PTP4A3: variants seen among roughly 807,000 people sequenced by gnomAD.
PTP4A3 encodes protein tyrosine phosphatase 4A3, also known as protein tyrosine phosphatase type IVA 3.
A neutral mutation model predicts 15.2 loss-of-function variants in PTP4A3; 9 were observed. The observed-to-expected ratio is 0.59, with a 90% CI of 0.36 to 1.03. The LOEUF (loss-of-function observed/expected upper bound fraction) is 1.03, where lower values mean the gene tolerates loss of function less well. PTP4A3 is among the 50% of genes least tolerant of loss of function. The probability of loss-of-function intolerance (pLI) is 0.02; values close to 1 mark genes in which losing one functional copy is unlikely to be tolerated. For synonymous variants in PTP4A3, 95 were observed against 102.0 expected, an observed-to-expected ratio of 0.93 and a Z score of 0.41; for missense variants, 234 against 252.1, an observed-to-expected ratio of 0.93 and a Z score of 0.49.
intron 1 of PTP4A3, among the ~76,000 whole-genome samples, chr8:141,420,747 T>C (rs1833292281): frequency 6.6e-6 from 1 of 152,048 alleles, no homozygotes; most frequent in Non-Finnish European, 1.5e-5. Flanking sequence ...GGGGGGACAC[T>C]GGTGGACAGG....
At chr8:141,424,982 T>C (rs1833499529) in intron 2 of PTP4A3, 66 bp from the exon 3 acceptor site, 1 of 1,370,840 alleles carries the variant, frequency 7.3e-7, no homozygotes, top group Admixed American at 1.8e-5. Context: ...CCCTGGTGAG[T>C]GGGTCCTGCC....
chr8:141,426,605 C>T, intron 3 of PTP4A3: 1 of 985,446 alleles, frequency 1.0e-6, no homozygotes, highest in Non-Finnish European at 1.2e-6. Context: ...ATTGTGACCC[C>T]AGAACCAGAG....
At chr8:141,399,488 G>T (rs762136325) in intron 1 of PTP4A3, among the ~76,000 whole-genome samples, 12 of 152,228 alleles carry the variant, frequency 7.9e-5, no homozygotes, top group Middle Eastern at 3.4e-3. Flanking sequence ...TGTCCCCTCC[G>T]CATGGCCCTG....
At position 141,431,361 on chromosome 8, in the gene PTP4A3, A is replaced by C; in HGVS notation, c.*317A>C. The C allele has an allele frequency of 2.4e-6, 1 of 415,536 alleles. No homozygotes were observed. Among genetic ancestry groups the C allele is most frequent in the East Asian group, 4.7e-5 (1 of 21,462 alleles). The allele number at this position is 415,536 out of a possible 1,614,324, so 25.7% of individuals were successfully genotyped here. On this transcript the variant is annotated 3_prime_UTR_variant, in exon 6 of 6. Transcript: ENST00000521578. Reference sequence around the variant, plus strand: ...CACACCAGCCAGGCTGGTCTCCTCTAGCCTGTTTGTTGTGGGGTGGGGGTA... The same window carrying C: ...CACACCAGCCAGGCTGGTCTCCTCTCGCCTGTTTGTTGTGGGGTGGGGGTA...
At chr8:141,397,406 G>T (rs1462721511) in intron 1 of PTP4A3, among the ~76,000 whole-genome samples, 1 of 152,256 alleles carries the variant, frequency 6.6e-6, no homozygotes, top group Non-Finnish European at 1.5e-5. Context: ...GGCCTGTCCT[G>T]GGTTGGGGTT....
intron 1 of PTP4A3, among the ~76,000 whole-genome samples, chr8:141,418,197 C>T (rs1430349862): frequency 1.3e-5 from 2 of 152,192 alleles, no homozygotes; most frequent in African/African-American, 2.4e-5. Flanking sequence ...CCAGAGCGCC[C>T]GCCTCAGCCC....
At chr8:141,428,717 A>C (rs978830174) in intron 5 of PTP4A3, among the ~76,000 whole-genome samples, 2 of 152,184 alleles carry the variant, frequency 1.3e-5, no homozygotes, top group Admixed American at 1.3e-4. Context: ...TGGGATGTGC[A>C]CGCTCACACA....
At chr8:141,392,936 AC>A (rs1554615734) in intron 1 of PTP4A3, among the ~76,000 whole-genome samples, 1 of 149,700 alleles carries the variant, frequency 6.7e-6, no homozygotes, top group Non-Finnish European at 1.5e-5. Context: ...CACGTGCTGC[AC>A]CCCCTCTCTC....
At chr8:141,429,127 C>T (rs1029843940) in intron 5 of PTP4A3, among the ~76,000 whole-genome samples, 1 of 152,260 alleles carries the variant, frequency 6.6e-6, no homozygotes, top group African/African-American at 2.4e-5. Flanking sequence ...GTTTCTTGCC[C>T]CTGTTGCGTG....
At chr8:141,430,207 CAG>C (rs1446923967) in intron 5 of PTP4A3, among the ~76,000 whole-genome samples, 3 of 142,340 alleles carry the variant, frequency 2.1e-5, no homozygotes, top group African/African-American at 8.0e-5. Flanking sequence ...GTGGCGGGGA[CAG>C]GGTGAGCGCA....
chr8:141,431,461 A>G lies in PTP4A3; in HGVS notation c.*417A>G, dbSNP rs1833874383. 2 of 169,988 alleles carry G rather than the reference A, an allele frequency of 1.2e-5. No individual in the cohort carries two copies. The highest frequency in any genetic ancestry group is 2.5e-5 in the Non-Finnish European group (2 of 80,602). 10.5% of individuals were successfully genotyped at this position (169,988 alleles called of 1,614,324 possible). On this transcript the variant is annotated 3_prime_UTR_variant, in exon 6 of 6. Coordinates refer to ENST00000521578, the MANE Select transcript of PTP4A3 (RefSeq NM_032611.3). ...TGACCTGTTCTCGGCACCTTAAATT[A>G]TTAGACCCCGGGGCAGTCAGGTGCT...
At chr8:141,414,622 G>A (rs1264455560) in intron 1 of PTP4A3, among the ~76,000 whole-genome samples, 5 of 65,192 alleles carry the variant, frequency 7.7e-5, no homozygotes, top group Admixed American at 1.5e-4. Context: ...GCCCTGGACT[G>A]GGGGGGGGGT....
intron 2 of PTP4A3, 53 bp from the exon 3 acceptor site, chr8:141,424,995 C>T: frequency 1.3e-6 from 2 of 1,493,824 alleles, no homozygotes; most frequent in South Asian, 1.1e-5. Flanking sequence ...GTCCTGCCCC[C>T]TGAGCCCTGC....
At position 141,426,967 on chromosome 8, in the gene PTP4A3, C is replaced by T. The variant is rs1176286222; in HGVS notation, c.227C>T (p.Pro76Leu). 3.1e-6 allele frequency: 5 copies of T among 1,610,334 alleles called. No homozygotes were observed. The highest frequency in any genetic ancestry group is 3.4e-6 in the Non-Finnish European group (4 of 1,179,874). ...VDWPFDDGAP[P>L]PGKVVEDWLS... ...TGGCCGTTTGACGATGGGGCGCCCC[C>T]GCCCGGCAAGGTAGTGGAAGACTGG... The change falls in exon 4 of 6, where the codon CCG becomes CTG. Residue 76 changes from proline (P) to leucine (L), a missense_variant. Physicochemically the swap from Pro to Leu is moderately conservative, Grantham distance 98. Coordinates refer to ENST00000521578, the MANE Select transcript of PTP4A3 (RefSeq NM_032611.3).
At chr8:141,430,745 G>A (rs949584139) in intron 5 of PTP4A3, among the ~76,000 whole-genome samples, 182 bp from the exon 6 acceptor site, 8 of 152,130 alleles carry the variant, frequency 5.3e-5, no homozygotes, top group Non-Finnish European at 1.0e-4. Flanking sequence ...GCTGCAGGGG[G>A]CCAGGAAAGG....
chr8:141,427,310 A>G (rs1437139631), intron 4 of PTP4A3, among the ~76,000 whole-genome samples: 3 of 152,182 alleles, frequency 2.0e-5, no homozygotes, highest in Non-Finnish European at 1.5e-5. Context: ...CATCTTGTGT[A>G]GGAAAGGGCT....
intron 5 of PTP4A3, among the ~76,000 whole-genome samples, chr8:141,428,819 GGT>G (rs1833706995): frequency 4.6e-5 from 7 of 152,198 alleles, no homozygotes; most frequent in African/African-American, 1.7e-4. Flanking sequence ...CTCACAGGCA[GGT>G]GTGTGAACAC....
chr8:141,417,836 C>T (rs1470761115), intron 1 of PTP4A3, among the ~76,000 whole-genome samples: 2 of 151,980 alleles, frequency 1.3e-5, no homozygotes, highest in African/African-American at 4.8e-5. Context: ...CCCCCGGCAG[C>T]CGGGTCGCCC....
At chr8:141,407,928 A>G (rs1832771232) in intron 1 of PTP4A3, among the ~76,000 whole-genome samples, 1 of 152,208 alleles carries the variant, frequency 6.6e-6, no homozygotes, top group Non-Finnish European at 1.5e-5. Context: ...TTCATCAGCC[A>G]TCATTAGCGT....
Sources: gnomAD v4.1 joint callset for allele counts (sites outside exome capture counted in the v4.1 genomes callset) on GRCh38, gnomAD v4.1.1 for gene constraint, MANE v1.5 for transcripts, NCBI Gene and HGNC (gene_info 2026-07-23, HGNC 2026-07-21) for gene names.